Variants in SPAG16 observed in about 807,000 individuals in gnomAD.
The protein encoded by SPAG16 is sperm-associated antigen 16 protein.
In SPAG16, 86 loss-of-function variants were observed where a neutral mutation model predicts 80.4. The observed-to-expected ratio is 1.07, with a 90% CI of 0.90 to 1.28. SPAG16 has a LOEUF of 1.28. SPAG16 is among the 50% of genes most tolerant of loss of function. The pLI is 0.00. For missense variants in SPAG16, 870 were observed against 765.3 expected (o/e 1.14, Z -1.61); for synonymous variants, 294 against 265.9 (o/e 1.11, Z -1.03).
chr2:214,013,005 C>T (rs1212148184), intron 12 of SPAG16, among the ~76,000 whole-genome samples: 1 of 152,090 alleles, frequency 6.6e-6, no homozygotes, highest in Non-Finnish European at 1.5e-5. Context: ...TTCCAAGTGA[C>T]AGTGATACTG....
intron 8 of SPAG16, among the ~76,000 whole-genome samples, chr2:213,366,456 A>C (rs1380452382): frequency 1.3e-5 from 2 of 152,188 alleles, no homozygotes; most frequent in East Asian, 3.8e-4. Flanking sequence ...ACAGTTCCAC[A>C]TAGCTGGGGA....
chr2:214,136,775 C>G (rs2055077233), intron 14 of SPAG16, among the ~76,000 whole-genome samples: 1 of 152,134 alleles, frequency 6.6e-6, no homozygotes, highest in African/African-American at 2.4e-5. Flanking sequence ...GTGTAATGAG[C>G]TATTGCTTAA....
At chr2:213,683,099 C>T (rs2064478694) in intron 10 of SPAG16, among the ~76,000 whole-genome samples, 1 of 152,060 alleles carries the variant, frequency 6.6e-6, no homozygotes. Flanking sequence ...CAAAAGAACT[C>T]CCTTATTGAT....
At chr2:213,967,973 G>A (rs2044793685) in intron 12 of SPAG16, among the ~76,000 whole-genome samples, 2 of 152,142 alleles carry the variant, frequency 1.3e-5, no homozygotes, top group Admixed American at 6.5e-5. Context: ...GTACTTCAAT[G>A]TGTAAAGGTA....
chr2:214,336,101 AAC>A lies in SPAG16; in HGVS notation c.1721-74035_1721-74034del, dbSNP rs1697273760. Among the ~76,000 whole-genome samples the A allele has an allele frequency of 4.6e-5, 7 of 152,332 alleles. No individual in the cohort carries two copies. In the South Asian group the frequency reaches 1.4e-3, roughly 32 times the overall value. On this transcript the variant is annotated intron_variant, in intron 15 of 15. Coordinates refer to ENST00000331683, the MANE Select transcript of SPAG16 (RefSeq NM_024532.5). ...TACATAAAGTACTCATTAGTAGTTG[AAC>A]ACATGGATTTAGTTATCTTGTTGCA...
chr2:213,890,086 A>C (rs2076729404), intron 11 of SPAG16, among the ~76,000 whole-genome samples: 1 of 152,086 alleles, frequency 6.6e-6, no homozygotes, highest in Non-Finnish European at 1.5e-5. Flanking sequence ...GTTTAATTTC[A>C]ATAAAGCAAC....
intron 9 of SPAG16, among the ~76,000 whole-genome samples, chr2:213,425,584 A>G (rs191820212): frequency 2.0e-5 from 3 of 148,280 alleles, no homozygotes; most frequent in Non-Finnish European, 4.5e-5. Context: ...CCAGGAAGGT[A>G]GAGGTTGCAG....
chr2:214,199,821 T>C (rs1378623094), intron 15 of SPAG16, among the ~76,000 whole-genome samples: 1 of 152,172 alleles, frequency 6.6e-6, no homozygotes, highest in African/African-American at 2.4e-5. Flanking sequence ...TTCACCTCCT[T>C]GGTTAAGTAT....
At chr2:213,935,686 A>T (rs910436069) in intron 12 of SPAG16, among the ~76,000 whole-genome samples, 20 of 152,212 alleles carry the variant, frequency 1.3e-4, no homozygotes, top group African/African-American at 4.8e-4. Context: ...AAGGATTTAA[A>T]TTTTATGTTA....
At chr2:214,210,480 G>T (rs985920755) in intron 15 of SPAG16, among the ~76,000 whole-genome samples, 17 of 152,212 alleles carry the variant, frequency 1.1e-4, no homozygotes, top group African/African-American at 4.1e-4. Context: ...GATATTAGTA[G>T]TCAAGTTTCT....
chr2:213,536,972 A>T (rs911982518), intron 10 of SPAG16, among the ~76,000 whole-genome samples: 31 of 152,098 alleles, frequency 2.0e-4, no homozygotes, highest in African/African-American at 7.5e-4. Context: ...ACCATGGAAT[A>T]CTATGCAGCC....
intron 15 of SPAG16, among the ~76,000 whole-genome samples, chr2:214,256,561 G>A (rs1188931333): frequency 8.7e-6 from 1 of 115,374 alleles, no homozygotes; most frequent in Non-Finnish European, 1.9e-5. Context: ...TTTTCTGTAT[G>A]TTATAAATCT....
At chr2:213,630,817 G>A (rs550496828) in intron 10 of SPAG16, among the ~76,000 whole-genome samples, 54 of 152,258 alleles carry the variant, frequency 3.5e-4, no homozygotes, top group African/African-American at 1.1e-3. Context: ...TCAAAATTCA[G>A]CTGAGTTGGA....
chr2:214,183,028 A>G (rs2057354973), intron 15 of SPAG16, among the ~76,000 whole-genome samples: 1 of 151,816 alleles, frequency 6.6e-6, no homozygotes, highest in Admixed American at 6.6e-5. Context: ...AATGACTCTA[A>G]CCATTGGTTA....
At chr2:214,332,992 TATCA>T (rs1232795414) in intron 15 of SPAG16, among the ~76,000 whole-genome samples, 7 of 152,328 alleles carry the variant, frequency 4.6e-5, no homozygotes, top group Admixed American at 4.6e-4. Flanking sequence ...AGTCTCGAGA[TATCA>T]ATGTCAGCAA....
At chr2:213,309,287 T>C (rs1490501220) in intron 3 of SPAG16, among the ~76,000 whole-genome samples, 1 of 152,118 alleles carries the variant, frequency 6.6e-6, no homozygotes, top group African/African-American at 2.4e-5. Flanking sequence ...GGCATGGGCA[T>C]GCTGTGCTCT....
chr2:213,324,227 T>C (rs749065119), intron 5 of SPAG16, among the ~76,000 whole-genome samples: 11 of 150,920 alleles, frequency 7.3e-5, no homozygotes, highest in Non-Finnish European at 1.5e-4. Context: ...ATTTCACTTC[T>C]ACTCTTACCC....
intron 10 of SPAG16, among the ~76,000 whole-genome samples, chr2:213,562,530 C>T (rs753585267): frequency 3.3e-5 from 5 of 152,160 alleles, no homozygotes; most frequent in African/African-American, 4.8e-5. Context: ...TCTCACAGTT[C>T]TGGAGACTGG....
At chr2:213,922,375 G>A (rs938824861) in intron 11 of SPAG16, among the ~76,000 whole-genome samples, 4 of 152,080 alleles carry the variant, frequency 2.6e-5, no homozygotes, top group African/African-American at 9.7e-5. Context: ...ATCTCTATTA[G>A]ATGAGTTTGG....
Sources: allele counts gnomAD v4.1 joint callset (sites outside exome capture counted in the v4.1 genomes callset), GRCh38; gene constraint gnomAD v4.1.1; transcripts MANE v1.5; gene names NCBI Gene and HGNC (gene_info 2026-07-23, HGNC 2026-07-21).